The following OSBPL9 variants were observed in gnomAD, a reference collection of about 807,000 sequenced individuals.
The protein encoded by OSBPL9 is oxysterol binding protein like 9.
In OSBPL9, 40 loss-of-function variants were observed where a neutral mutation model predicts 106.6. That is an observed-to-expected ratio of 0.38 (90% CI 0.29 to 0.49). The LOEUF is 0.49. Among genes scored for constraint, OSBPL9 ranks in the 20% least tolerant of loss-of-function variants. The pLI, the probability that OSBPL9 is intolerant of heterozygous loss-of-function variation, is 0.97. For missense variants in OSBPL9, 609 were observed against 887.2 expected (o/e 0.69, Z 3.98); for synonymous variants, 269 against 295.4 (o/e 0.91, Z 0.92).
At chr1:51,711,366 C>T (rs1410024936) in intron 3 of OSBPL9, among the ~76,000 whole-genome samples, 18 of 137,448 alleles carry the variant, frequency 1.3e-4, no homozygotes, top group African/African-American at 1.6e-4. Flanking sequence ...CCGGACTAGG[C>T]GGCTGGCCGG....
Position 51,729,914 on chromosome 1 carries a change from G to T in OSBPL9, c.319-15622G>T, listed in dbSNP as rs1663954084. 7 of 1,290,398 alleles carry T rather than the reference G, an allele frequency of 5.4e-6. No individual in the cohort carries two copies. Among genetic ancestry groups the T allele is most frequent in the Non-Finnish European group, 6.9e-6 (7 of 1,011,052 alleles). The allele number at this position is 1,290,398 out of a possible 1,614,324, so 79.9% of individuals were successfully genotyped here. On this transcript the variant is annotated intron_variant, in intron 4 of 23. Transcript: ENST00000428468. This position sits in a 1 kb window ranked among gnomAD's most constrained non-coding sequence, Gnocchi z 5.1. ...CGGGTCGAGGGGAGAAGAAAAAGGG[G>T]TGCTCGGGAGCAGCCCCCGGCTACC... is the stretch of plus-strand genomic sequence containing the variant.
the OSBPL9 span, chr1:51,567,517 A>T: frequency 1.3e-5 from 2 of 152,202 alleles, 1 homozygote; most frequent in Admixed American, 1.3e-4. Flanking sequence ...AGCAGTGGGG[A>T]ACTGGGCTAT....
At chr1:51,591,320 C>T (rs985943661) in intron 1 of OSBPL9, among the ~76,000 whole-genome samples, 1 of 152,180 alleles carries the variant, frequency 6.6e-6, no homozygotes, top group African/African-American at 2.4e-5. Context: ...AATCCTGCCA[C>T]TTCAGCCTCC....
chr1:51,646,781 T>C (rs1295554324), intron 1 of OSBPL9, among the ~76,000 whole-genome samples: 2 of 152,172 alleles, frequency 1.3e-5, no homozygotes, highest in Admixed American at 1.3e-4. Context: ...GTGATCCACC[T>C]GTTGCAGCCT....
intron 15 of OSBPL9, among the ~76,000 whole-genome samples, chr1:51,780,594 G>T (rs1049371011): frequency 1.3e-5 from 2 of 152,170 alleles, no homozygotes; most frequent in African/African-American, 4.8e-5. Flanking sequence ...AAACCATTAT[G>T]CTAAATGAAG....
chr1:51,698,727 G>A (rs538370443), intron 3 of OSBPL9, among the ~76,000 whole-genome samples: 33 of 152,294 alleles, frequency 2.2e-4, no homozygotes, highest in South Asian at 6.2e-4. Flanking sequence ...ATAAAATACT[G>A]TAGTACTCAA....
intron 1 of OSBPL9, among the ~76,000 whole-genome samples, chr1:51,595,379 A>G (rs1445227863): frequency 2.0e-5 from 3 of 151,882 alleles, no homozygotes; most frequent in Admixed American, 6.6e-5. Context: ...CCATCCATCC[A>G]TCCTTCCATT....
chr1:51,768,578 C>G (rs1673145233), intron 12 of OSBPL9, among the ~76,000 whole-genome samples: 1 of 152,248 alleles, frequency 6.6e-6, no homozygotes, highest in South Asian at 2.1e-4. Context: ...TAGTAAATCA[C>G]TCATGTATCC....
chr1:51,567,705 T>C, the OSBPL9 span: 1 of 152,238 alleles, frequency 6.6e-6, no homozygotes, highest in Non-Finnish European at 1.5e-5. Context: ...ATAACACATA[T>C]AAAATGCATC....
At chr1:51,589,673 G>A (rs1211544626) in intron 1 of OSBPL9, among the ~76,000 whole-genome samples, 1 of 151,906 alleles carries the variant, frequency 6.6e-6, no homozygotes, top group African/African-American at 2.4e-5. Flanking sequence ...CTGAGATGGG[G>A]TTGAAGTCTG....
intron 2 of OSBPL9, among the ~76,000 whole-genome samples, chr1:51,658,360 G>A (rs1646941979): frequency 6.6e-6 from 1 of 151,814 alleles, no homozygotes; most frequent in Admixed American, 6.6e-5. Flanking sequence ...GGATCTAAAT[G>A]AATGGTAGTT....
Position 51,597,447 on chromosome 1 carries a change from G to GTA in OSBPL9, c.-422-676_-422-675insAT, listed in dbSNP as rs1429724899. 5.5e-3 allele frequency among the ~76,000 whole-genome samples: 790 copies of GTA among 143,302 alleles called. 3 individuals are homozygous for GTA. The highest frequency in any genetic ancestry group is 9.6e-3 in the Non-Finnish European group (639 of 66,778). The allele number at this position is 143,302 out of a possible 152,430, so 94.0% of individuals were successfully genotyped here. A position where few individuals can be genotyped will look rare whatever the true frequency, so the allele number is the denominator to read the frequency against. ...TATGTGTGTGTGTGTGTGTGTGTGT[G>GTA]TGTGTGTGTGTGTATATACACACAC... On this transcript the variant is annotated intron_variant, in intron 1 of 25. Transcript: ENST00000371714.
intron 3 of OSBPL9, among the ~76,000 whole-genome samples, chr1:51,697,801 A>G (rs1426594447): frequency 6.7e-6 from 1 of 149,918 alleles, no homozygotes; most frequent in Non-Finnish European, 1.5e-5. Flanking sequence ...TATTCTACAT[A>G]CTAGATAAAT....
intron 1 of OSBPL9, among the ~76,000 whole-genome samples, chr1:51,577,558 C>T (rs973133209): frequency 2.6e-5 from 4 of 152,050 alleles, no homozygotes; most frequent in Admixed American, 2.0e-4. Flanking sequence ...CAGGCGTGAG[C>T]CACCACTCCC....
intron 4 of OSBPL9, among the ~76,000 whole-genome samples, chr1:51,743,788 T>C (rs1667417256): frequency 6.6e-6 from 1 of 152,172 alleles, no homozygotes; most frequent in Non-Finnish European, 1.5e-5. Context: ...CTCATTTCTT[T>C]CATAGTACAG....
chr1:51,726,416 CT>C (rs1442749016), intron 4 of OSBPL9, among the ~76,000 whole-genome samples: 1 of 151,926 alleles, frequency 6.6e-6, no homozygotes, highest in South Asian at 2.1e-4. Context: ...ATTTTTTCTT[CT>C]TTTTTTTCTT....
chr1:51,723,319 C>A (rs1662486845), intron 4 of OSBPL9, among the ~76,000 whole-genome samples: 1 of 152,232 alleles, frequency 6.6e-6, no homozygotes, highest in South Asian at 2.1e-4. Flanking sequence ...CCTCCTCCCT[C>A]ATCCCTGGCA....
intron 8 of OSBPL9, among the ~76,000 whole-genome samples, chr1:51,750,991 A>G (rs1279737582): frequency 6.6e-6 from 1 of 152,252 alleles, no homozygotes; most frequent in Non-Finnish European, 1.5e-5. Context: ...TGTTAATGAC[A>G]CAATAGCATA....
chr1:51,535,113 T>C, the OSBPL9 span, among the ~76,000 whole-genome samples: 2 of 152,356 alleles, frequency 1.3e-5, no homozygotes, highest in East Asian at 3.9e-4. Flanking sequence ...GGGTAAATCA[T>C]GTGAAGGCCT....
Sources: allele counts gnomAD v4.1 joint callset (sites outside exome capture counted in the v4.1 genomes callset), GRCh38; gene constraint gnomAD v4.1.1; non-coding constraint Gnocchi (gnomAD v3.1); transcripts MANE v1.5; gene names NCBI Gene and HGNC (gene_info 2026-07-23, HGNC 2026-07-21).